Variants in AHRR observed in about 807,000 individuals in gnomAD.
AHRR encodes the protein aryl hydrocarbon receptor repressor.
AHRR carries 28 observed loss-of-function variants against 44.0 expected under a neutral mutation model. That is an observed-to-expected ratio of 0.64 (90% CI 0.47 to 0.87). The LOEUF (loss-of-function observed/expected upper bound fraction) is 0.87, where lower values mean the gene tolerates loss of function less well. Among genes scored for constraint, AHRR ranks in the 40% least tolerant of loss-of-function variants. The pLI is 0.00. For synonymous variants in AHRR, 434 were observed against 407.0 expected, an observed-to-expected ratio of 1.07 and a Z score of -0.80; for missense variants, 990 against 953.9, an observed-to-expected ratio of 1.04 and a Z score of -0.50.
chr5:323,690 G>A (rs1049290355), intron 1 of AHRR, among the ~76,000 whole-genome samples: 1 of 152,182 alleles, frequency 6.6e-6, no homozygotes, highest in African/African-American at 2.4e-5. Flanking sequence ...GCCGGGGGAG[G>A]GGGAGGCAGC....
At chr5:351,802 G>C (rs1192677623) in intron 2 of AHRR, among the ~76,000 whole-genome samples, 1 of 152,210 alleles carries the variant, frequency 6.6e-6, no homozygotes, top group Non-Finnish European at 1.5e-5. Flanking sequence ...ACTGGTTTAC[G>C]GCCTAGGTTG....
At chr5:420,946 A>C in intron 5 of AHRR, 1 of 169,470 alleles carries the variant, frequency 5.9e-6, no homozygotes, top group East Asian at 1.4e-4. Context: ...CCACCCACAC[A>C]GGCGCACATA....
intron 4 of AHRR, among the ~76,000 whole-genome samples, chr5:391,306 GGTGGGCCAGA>G (rs1249477747): frequency 0.073 from 6,200 of 85,138 alleles, 405 homozygotes; most frequent in Non-Finnish European, 0.11. Flanking sequence ...AGATTAGGAA[GGTGGGCCAGA>G]GCGTGCACGG....
At position 376,557 on chromosome 5, in the gene AHRR, A is replaced by AACGCGGGGAAACACAGGAAAGAT. The variant is rs368685976; in HGVS notation, c.245-53_245-52insACGCGGGGAAACACAGGAAAGAT. 3.2e-3 allele frequency: 4,603 copies of AACGCGGGGAAACACAGGAAAGAT among 1,425,396 alleles called. 1 individual carries two copies. The highest frequency in any genetic ancestry group is 8.6e-3 in the Middle Eastern group (47 of 5,470). The allele number at this position is 1,425,396 out of a possible 1,614,324, so 88.3% of individuals were successfully genotyped here. On this transcript the variant is annotated intron_variant, in intron 3 of 10. Transcript: ENST00000684583. ...CACAGGAAAGATGTGAATGAAGAAG[A>AACGCGGGGAAACACAGGAAAGAT]GTGGCCAGGCCAAGGGTTGGGGGTG...
chr5:328,435 G>A (rs1436250224), intron 1 of AHRR, among the ~76,000 whole-genome samples: 1 of 151,812 alleles, frequency 6.6e-6, no homozygotes. Context: ...ATTTCTAGTA[G>A]AGATGCAGTT....
At chr5:373,447 G>A (rs572674082) in intron 3 of AHRR, among the ~76,000 whole-genome samples, 25 of 152,354 alleles carry the variant, frequency 1.6e-4, no homozygotes, top group Non-Finnish European at 3.1e-4. Context: ...TCCCGCCCTG[G>A]GCCTGTGGCC....
At chr5:385,130 C>T (rs952194409) in intron 4 of AHRR, among the ~76,000 whole-genome samples, 2 of 151,990 alleles carry the variant, frequency 1.3e-5, no homozygotes, top group African/African-American at 4.8e-5. Context: ...CTCTCTTTAG[C>T]ACTTCTTATG....
At chr5:415,421 G>A (rs1298453047) in intron 5 of AHRR, among the ~76,000 whole-genome samples, 1 of 135,306 alleles carries the variant, frequency 7.4e-6, no homozygotes, top group African/African-American at 3.1e-5. Context: ...GGGAGGCCTA[G>A]GGGCCGAATC....
intron 7 of AHRR, among the ~76,000 whole-genome samples, chr5:425,343 G>T (rs936406993): frequency 1.3e-5 from 2 of 152,158 alleles, no homozygotes; most frequent in African/African-American, 4.8e-5. Flanking sequence ...ATTTTTGATG[G>T]AGTCTCGCTC....
intron 3 of AHRR, 53 bp from the exon 4 acceptor site, chr5:376,557 A>AACCGTGGGGTGAACGCGG (rs368685976): frequency 8.4e-6 from 12 of 1,429,192 alleles, no homozygotes; most frequent in East Asian, 2.4e-5. Flanking sequence ...AATGAAGAAG[A>AACCGTGGGGTGAACGCGG]GTGGCCAGGC....
chr5:423,055 G>A (rs1366737557), intron 6 of AHRR, among the ~76,000 whole-genome samples, 197 bp downstream of exon 6: 2 of 152,096 alleles, frequency 1.3e-5, no homozygotes, highest in Non-Finnish European at 2.9e-5. Context: ...CCACAGCTCC[G>A]TGTGGCTCGA....
chr5:367,975 C>G, intron 3 of AHRR: 1 of 701,896 alleles, frequency 1.4e-6, no homozygotes, highest in South Asian at 1.5e-5. Context: ...AGCCACTGAC[C>G]GCCTGTAGTG....
chr5:343,950 G>C lies in AHRR; in HGVS notation c.48G>C (p.Arg16Ser), dbSNP rs1226398885. ...CGTACGCGGGCCGGAAGCGGAGGAG[G>C]CCCCTGCAGAAACAGTAAAGTATCC... ...ECTYAGRKRR[R>S]PLQKQRPAVG... is the part of the protein sequence containing the mutation. Residue 16 changes from arginine to serine, a missense_variant, in exon 2 of 11, where the codon AGG (arginine) becomes AGC (serine). Physicochemically the swap from Arg to Ser is moderately radical, Grantham distance 110. Transcript: ENST00000684583. 1 of 1,600,330 alleles carries C rather than the reference G, an allele frequency of 6.2e-7. No homozygotes were observed. Among genetic ancestry groups the C allele is most frequent in the Non-Finnish European group, 8.5e-7 (1 of 1,174,090 alleles).
At chr5:427,649 CA>C (rs1429077724) in intron 7 of AHRR, 157 bp from the exon 8 acceptor site, 1 of 1,612,830 alleles carries the variant, frequency 6.2e-7, no homozygotes, top group Non-Finnish European at 8.5e-7. Flanking sequence ...CCGGGGGTCA[CA>C]GGCTTGGCAG....
intron 3 of AHRR, among the ~76,000 whole-genome samples, chr5:364,475 C>G (rs1484363839): frequency 6.6e-6 from 1 of 152,042 alleles, no homozygotes; most frequent in South Asian, 2.1e-4. Flanking sequence ...CTTGTGTTAA[C>G]TTTGGAGGAT....
intron 3 of AHRR, among the ~76,000 whole-genome samples, chr5:354,593 G>A (rs192252941): frequency 5.5e-4 from 84 of 152,336 alleles, no homozygotes; most frequent in African/African-American, 1.9e-3. Context: ...CAGAGAACTC[G>A]CAGGTGTAGA....
At chr5:432,973 C>A in intron 10 of AHRR, 26 bp downstream of exon 10, 2 of 1,555,426 alleles carry the variant, frequency 1.3e-6, no homozygotes, top group Admixed American at 2.0e-5. Flanking sequence ...CAGCCTCCCC[C>A]AGCCCTGGCA....
rs942504540 is a variant in AHRR, at chr5:422,554, C to G, written c.442-175C>G. 6.1e-6 allele frequency: 5 copies of G among 817,578 alleles called. No individual in the cohort carries two copies. The African/African-American group carries it at 6.8e-5, about 11-fold the overall frequency. 50.6% of individuals were successfully genotyped at this position (817,578 alleles called of 1,614,324 possible). ...GTGCTCCAGGCAACTTAGACATCTT[C>G]TCAGGAGGGAGTGGGGAACCGGGGC... On this transcript the variant is annotated intron_variant, in intron 5 of 10. Transcript: ENST00000684583.
Position 370,086 on chromosome 5 carries a change from A to T in AHRR, c.245-6524A>T, listed in dbSNP as rs541334429. On this transcript the variant is annotated intron_variant, in intron 3 of 10. Coordinates refer to ENST00000684583, the MANE Select transcript of AHRR (RefSeq NM_001377236.1). The surrounding 1 kb of genome is among the most constrained non-coding windows in gnomAD (Gnocchi z 4.5). ...CCCATCCTCCCGGGCCCTCGCTGGA[A>T]GCCCCGTCCTCCCGGGCCCTCGCTG... Among the ~76,000 whole-genome samples, 211 of 147,046 alleles carry T rather than the reference A, an allele frequency of 1.4e-3. 1 individual carries two copies. Among genetic ancestry groups the T allele is most frequent in the African/African-American group, 4.3e-3 (168 of 38,756 alleles).
Sources: gnomAD v4.1 joint callset for allele counts (sites outside exome capture counted in the v4.1 genomes callset) on GRCh38, gnomAD v4.1.1 for gene constraint, Gnocchi (gnomAD v3.1) non-coding constraint, MANE v1.5 for transcripts, NCBI Gene and HGNC (gene_info 2026-07-23, HGNC 2026-07-21) for gene names.